Variants in PTPRD observed in about 807,000 individuals in gnomAD.
The protein encoded by PTPRD is receptor-type tyrosine-protein phosphatase delta.
In PTPRD, 34 loss-of-function variants were observed where a neutral mutation model predicts 214.5. The ratio of observed to expected loss-of-function variants is 0.16; its 90% CI spans 0.12 to 0.21. The LOEUF (loss-of-function observed/expected upper bound fraction) is 0.21, where lower values mean the gene tolerates loss of function less well. Among genes scored for constraint, PTPRD ranks in the 10% least tolerant of loss-of-function variants. The pLI, the probability that PTPRD is intolerant of heterozygous loss-of-function variation, is 1.00. For missense variants in PTPRD, 2,545 were observed against 2,398.7 expected (o/e 1.06, Z -1.27); for synonymous variants, 1,128 against 845.7 (o/e 1.33, Z -5.79).
intron 36 of PTPRD, among the ~76,000 whole-genome samples, chr9:8,399,064 C>A (rs1039504337): frequency 1.3e-5 from 2 of 148,756 alleles, no homozygotes; most frequent in African/African-American, 4.9e-5. Context: ...CACATAGTAG[C>A]CAATAATCCT....
Position 10,044,593 on chromosome 9 carries a change from C to T in PTPRD, c.-544-10803G>A, listed in dbSNP as rs370522826. Among the ~76,000 whole-genome samples, 81 of 151,830 alleles carry T rather than the reference C, an allele frequency of 5.3e-4. No homozygotes were observed. The East Asian group carries it at 0.014, about 25-fold the overall frequency. ...CTCATTTTTCATTTCTCAGTGTTCT[C>T]AAACATTATCTCATTTAATTGTCGC... On this transcript the variant is annotated intron_variant, in intron 3 of 45. Coordinates refer to ENST00000381196, the MANE Select transcript of PTPRD (RefSeq NM_002839.4).
At chr9:10,348,644 T>A (rs1291393027) in intron 2 of PTPRD, among the ~76,000 whole-genome samples, 2 of 152,220 alleles carry the variant, frequency 1.3e-5, no homozygotes, top group Admixed American at 1.3e-4. Context: ...CCTGTTTGCA[T>A]ATAACATTTG....
chr9:9,822,984 G>C, intron 5 of PTPRD, among the ~76,000 whole-genome samples: 1 of 152,012 alleles, frequency 6.6e-6, no homozygotes. Context: ...CCAAAAGAAA[G>C]AAAATCAGTA....
At chr9:8,735,445 A>C (rs1486537081) in intron 11 of PTPRD, among the ~76,000 whole-genome samples, 4 of 152,010 alleles carry the variant, frequency 2.6e-5, no homozygotes, top group African/African-American at 4.8e-5. Context: ...CTCTTGGCCT[A>C]CCAAAGTGCT....
intron 11 of PTPRD, among the ~76,000 whole-genome samples, chr9:8,735,757 A>G (rs2154437857): frequency 6.6e-6 from 1 of 151,988 alleles, no homozygotes; most frequent in South Asian, 2.1e-4. Flanking sequence ...TAAAAACACA[A>G]AAAAATTAGC....
At chr9:8,735,593 A>G (rs1285802498) in intron 11 of PTPRD, among the ~76,000 whole-genome samples, 2 of 152,206 alleles carry the variant, frequency 1.3e-5, no homozygotes, top group East Asian at 3.9e-4. Flanking sequence ...TTCTATTAGG[A>G]AAACCAGAAG....
intron 9 of PTPRD, among the ~76,000 whole-genome samples, chr9:9,268,381 A>G (rs1028611656): frequency 6.6e-6 from 1 of 151,254 alleles, no homozygotes; most frequent in Non-Finnish European, 1.5e-5. Context: ...GTATATAAAA[A>G]AATAGCCTGT....
intron 5 of PTPRD, among the ~76,000 whole-genome samples, chr9:9,873,244 C>T (rs1348622714): frequency 2.6e-5 from 4 of 152,116 alleles, no homozygotes; most frequent in Non-Finnish European, 5.9e-5. Flanking sequence ...TCTAACCTTT[C>T]ATGTAAATAA....
At chr9:9,471,885 A>T (rs2094612237) in intron 8 of PTPRD, among the ~76,000 whole-genome samples, 1 of 152,276 alleles carries the variant, frequency 6.6e-6, no homozygotes, top group African/African-American at 2.4e-5. Flanking sequence ...TTGAAGGGAT[A>T]AGTATATCTT....
intron 11 of PTPRD, among the ~76,000 whole-genome samples, chr9:8,784,915 G>A (rs1414463277): frequency 6.6e-6 from 1 of 152,080 alleles, no homozygotes; most frequent in African/African-American, 2.4e-5. Flanking sequence ...TGAACAAACA[G>A]AAACAACTTC....
chr9:9,436,648 A>G (rs1473702320), intron 8 of PTPRD, among the ~76,000 whole-genome samples: 1 of 152,036 alleles, frequency 6.6e-6, no homozygotes, highest in Non-Finnish European at 1.5e-5. Flanking sequence ...TTGTTCCCTC[A>G]TTCAAAAATG....
In PTPRD at chr9:10,111,315, T is replaced by C. The variant is rs1443434419; in HGVS notation, c.-544-77525A>G. On this transcript the variant is annotated intron_variant, in intron 3 of 45. Coordinates refer to ENST00000381196, the MANE Select transcript of PTPRD (RefSeq NM_002839.4). ...GTGCAGTGGCGGGATCTCGGCTCAC[T>C]GCAAGCTCCGCCTCCTGGGTTCATG... Among the ~76,000 whole-genome samples, 9 of 128,380 alleles carry C rather than the reference T, an allele frequency of 7.0e-5. No individual in the cohort carries two copies. In the East Asian group the frequency reaches 2.3e-3, roughly 32 times the overall value. The allele number at this position is 128,380 out of a possible 152,430, so 84.2% of individuals were successfully genotyped here. A position where few individuals can be genotyped will look rare whatever the true frequency, so the allele number is the denominator to read the frequency against.
intron 12 of PTPRD, chr9:8,713,439 CT>C: frequency 9.2e-7 from 1 of 1,087,376 alleles, no homozygotes. Flanking sequence ...CCAAGTCCCG[CT>C]TCTGGTACTT....
At chr9:9,975,277 T>G (rs533391047) in intron 4 of PTPRD, among the ~76,000 whole-genome samples, 217 of 152,342 alleles carry the variant, frequency 1.4e-3, no homozygotes, top group African/African-American at 4.7e-3. Flanking sequence ...AGACAAATCC[T>G]CTAGCTCCTC....
rs556771519 is a variant in PTPRD at position 9,245,194 on chromosome 9, G to C, written c.-202-61831C>G. Among the ~76,000 whole-genome samples, 20 of 152,254 alleles carry C rather than the reference G, an allele frequency of 1.3e-4. No homozygotes were observed. In the East Asian group the frequency reaches 3.7e-3, roughly 28 times the overall value. ...ACACTTTTACACTGTTGGTGGGACT[G>C]TAAACTAGTTTAACTATTGTGGAAA... On this transcript the variant is annotated intron_variant, in intron 9 of 45. Transcript: ENST00000381196.
In PTPRD at chr9:8,684,194, T is replaced by C. The variant is rs78766080; in HGVS notation, c.65-47350A>G. Among the ~76,000 whole-genome samples, 566 of 152,330 alleles carry C rather than the reference T, an allele frequency of 3.7e-3. 3 individuals carry two copies. The highest frequency in any genetic ancestry group is 6.2e-3 in the Non-Finnish European group (425 of 68,028). On this transcript the variant is annotated intron_variant, in intron 12 of 45. Coordinates refer to ENST00000381196, the MANE Select transcript of PTPRD (RefSeq NM_002839.4). Reference sequence around the variant, plus strand: ...TACCAACGTTTTGTGTCATGTATTATACACATACAGAAGCTGAAACACTCC... The same window carrying C: ...TACCAACGTTTTGTGTCATGTATTACACACATACAGAAGCTGAAACACTCC...
At chr9:9,142,250 A>C (rs2099861754) in intron 10 of PTPRD, among the ~76,000 whole-genome samples, 1 of 152,140 alleles carries the variant, frequency 6.6e-6, no homozygotes, top group Non-Finnish European at 1.5e-5. Flanking sequence ...TCTCCAGAGA[A>C]CTCTGATGCC....
chr9:10,035,271 A>T (rs1443119466), intron 3 of PTPRD, among the ~76,000 whole-genome samples: 1 of 151,694 alleles, frequency 6.6e-6, no homozygotes, highest in East Asian at 1.9e-4. Flanking sequence ...CCCTTTGCCC[A>T]CTTTTTAATG....
At chr9:9,019,670 C>T (rs549114362) in intron 10 of PTPRD, among the ~76,000 whole-genome samples, 27 of 152,158 alleles carry the variant, frequency 1.8e-4, no homozygotes, top group African/African-American at 2.4e-4. Context: ...TGTGCCACTG[C>T]ACTCCATCCC....
Sources: gnomAD v4.1 joint callset for allele counts (sites outside exome capture counted in the v4.1 genomes callset) on GRCh38, gnomAD v4.1.1 for gene constraint, MANE v1.5 for transcripts, NCBI Gene and HGNC (gene_info 2026-07-23, HGNC 2026-07-21) for gene names.